KIAA1958: variants seen among roughly 807,000 people sequenced by gnomAD.
The protein encoded by KIAA1958 is uncharacterized protein KIAA1958.
Under a neutral mutation model 47.2 loss-of-function variants are expected in KIAA1958, and 14 were observed. The observed-to-expected ratio is 0.30, with a 90% CI of 0.20 to 0.46. The LOEUF is 0.46. KIAA1958 is among the 20% of genes least tolerant of loss of function. The pLI is 1.00. For synonymous variants in KIAA1958, 354 were observed against 353.3 expected, an observed-to-expected ratio of 1.00 and a Z score of -0.02; for missense variants, 803 against 909.2, an observed-to-expected ratio of 0.88 and a Z score of 1.50.
intron 2 of KIAA1958, among the ~76,000 whole-genome samples, chr9:112,640,926 T>C (rs1282304328): frequency 6.6e-6 from 1 of 152,206 alleles, no homozygotes; most frequent in African/African-American, 2.4e-5. Context: ...CTAGATAGAT[T>C]GCAGGTGTTG....
At chr9:112,605,996 A>G (rs189037535) in intron 2 of KIAA1958, among the ~76,000 whole-genome samples, 24 of 152,330 alleles carry the variant, frequency 1.6e-4, no homozygotes, top group African/African-American at 5.3e-4. Context: ...CCACAAATGC[A>G]AGACTGTTTC....
intron 3 of KIAA1958, among the ~76,000 whole-genome samples, chr9:112,648,153 A>C (rs941588915): frequency 1.3e-5 from 2 of 152,252 alleles, no homozygotes; most frequent in African/African-American, 4.8e-5. Context: ...ATGTTTTTCA[A>C]GGCATTATAT....
At chr9:112,628,247 CTTG>C (rs1564195258) in intron 2 of KIAA1958, among the ~76,000 whole-genome samples, 3 of 152,110 alleles carry the variant, frequency 2.0e-5, no homozygotes, top group South Asian at 2.1e-4. Flanking sequence ...TTTATAGAAA[CTTG>C]TTGTGTGACT....
At chr9:112,504,814 G>T (rs1233920797) in intron 1 of KIAA1958, among the ~76,000 whole-genome samples, 7 of 151,224 alleles carry the variant, frequency 4.6e-5, no homozygotes, top group Non-Finnish European at 4.4e-5. Context: ...ATGTGTAGAT[G>T]TATATACATT....
At chr9:112,487,226 C>A in intron 1 of KIAA1958, 108 bp downstream of exon 1, 1 of 175,196 alleles carries the variant, frequency 5.7e-6, no homozygotes, top group Non-Finnish European at 1.2e-5. Flanking sequence ...ACTCTGCTTC[C>A]CCGTCAGCGG....
chr9:112,626,478 T>C (rs1449940992), intron 2 of KIAA1958, among the ~76,000 whole-genome samples: 1 of 152,192 alleles, frequency 6.6e-6, no homozygotes, highest in Non-Finnish European at 1.5e-5. Flanking sequence ...TTCATTTCAA[T>C]AAGAGCTTTG....
chr9:112,563,423 T>TTA (rs1258323677), intron 1 of KIAA1958, among the ~76,000 whole-genome samples: 2 of 152,228 alleles, frequency 1.3e-5, no homozygotes, highest in Non-Finnish European at 2.9e-5. Flanking sequence ...TTTGTTGTTT[T>TTA]TAGTATAGAA....
chr9:112,650,476 G>C (rs1233585405), intron 3 of KIAA1958, among the ~76,000 whole-genome samples: 1 of 152,142 alleles, frequency 6.6e-6, no homozygotes, highest in African/African-American at 2.4e-5. Context: ...AATATTTGCG[G>C]AGTGGTATAG....
At chr9:112,621,297 A>G (rs1836502326) in intron 2 of KIAA1958, among the ~76,000 whole-genome samples, 1 of 152,148 alleles carries the variant, frequency 6.6e-6, no homozygotes, top group Non-Finnish European at 1.5e-5. Flanking sequence ...CTTATTCTAT[A>G]GTTAGTCCTT....
intron 2 of KIAA1958, chr9:112,619,100 A>T: frequency 1.3e-5 from 6 of 468,024 alleles, no homozygotes; most frequent in Middle Eastern, 9.3e-4. Flanking sequence ...CTAACATAGT[A>T]TTTATAGGCT....
intron 1 of KIAA1958, among the ~76,000 whole-genome samples, chr9:112,501,307 A>C (rs538463039): frequency 1.3e-5 from 2 of 152,108 alleles, no homozygotes; most frequent in African/African-American, 4.8e-5. Context: ...ATCAGGCATG[A>C]TGGCTCATGC....
intron 1 of KIAA1958, among the ~76,000 whole-genome samples, chr9:112,544,375 A>G (rs1486791993): frequency 6.6e-6 from 1 of 152,202 alleles, no homozygotes; most frequent in Non-Finnish European, 1.5e-5. Context: ...GTAATTGCTT[A>G]GTTGTTGGCA....
At chr9:112,543,020 C>T (rs1241926108) in intron 1 of KIAA1958, among the ~76,000 whole-genome samples, 1 of 151,956 alleles carries the variant, frequency 6.6e-6, no homozygotes, top group Non-Finnish European at 1.5e-5. Context: ...TTCGGGAGTT[C>T]CTCACTTCAT....
intron 2 of KIAA1958, among the ~76,000 whole-genome samples, chr9:112,630,737 A>G (rs1027759304): frequency 6.6e-6 from 1 of 152,256 alleles, no homozygotes. Context: ...AAACATCTGA[A>G]AATACAACAT....
At chr9:112,588,233 A>G (rs1835863096) in intron 2 of KIAA1958, among the ~76,000 whole-genome samples, 1 of 152,194 alleles carries the variant, frequency 6.6e-6, no homozygotes, top group Non-Finnish European at 1.5e-5. Flanking sequence ...TCACTTTCAC[A>G]GTGTAAATAT....
At chr9:112,600,457 T>TA (rs1283517371) in intron 2 of KIAA1958, among the ~76,000 whole-genome samples, 2 of 152,198 alleles carry the variant, frequency 1.3e-5, no homozygotes, top group Non-Finnish European at 2.9e-5. Flanking sequence ...GTAGCATTCT[T>TA]AAAGGGGAGC....
intron 1 of KIAA1958, among the ~76,000 whole-genome samples, chr9:112,564,483 T>C (rs1835393665): frequency 6.6e-6 from 1 of 152,214 alleles, no homozygotes; most frequent in Admixed American, 6.5e-5. Context: ...AGGTGGAAGC[T>C]AACTAGGGAC....
At chr9:112,633,341 A>G (rs1305441125) in intron 2 of KIAA1958, among the ~76,000 whole-genome samples, 1 of 152,046 alleles carries the variant, frequency 6.6e-6, no homozygotes, top group Non-Finnish European at 1.5e-5. Context: ...TTAGAATTAC[A>G]TTTACTTAAA....
chr9:112,570,938 C>T (rs1204451444), intron 1 of KIAA1958, among the ~76,000 whole-genome samples: 1 of 152,158 alleles, frequency 6.6e-6, no homozygotes, highest in South Asian at 2.1e-4. Flanking sequence ...GAACTGCTGG[C>T]GTAAGTCCCA....
Sources: allele counts gnomAD v4.1 joint callset (sites outside exome capture counted in the v4.1 genomes callset), GRCh38; gene constraint gnomAD v4.1.1; transcripts MANE v1.5; gene names NCBI Gene and HGNC (gene_info 2026-07-23, HGNC 2026-07-21).